EXT1: variants seen among roughly 807,000 people sequenced by gnomAD.
EXT1 encodes the protein exostosin glycosyltransferase 1, also known as exostosin-1.
EXT1 carries 20 observed loss-of-function variants against 82.5 expected under a neutral mutation model. The ratio of observed to expected loss-of-function variants is 0.24; its 90% confidence interval spans 0.17 to 0.35. The LOEUF (loss-of-function observed/expected upper bound fraction) is 0.35, where lower values mean the gene tolerates loss of function less well. Among genes scored for constraint, EXT1 ranks in the 10% least tolerant of loss-of-function variants. EXT1 has a pLI of 1.00. For synonymous variants in EXT1, 348 were observed against 350.8 expected, an observed-to-expected ratio of 0.99 and a Z score of 0.09; for missense variants, 757 against 936.5, an observed-to-expected ratio of 0.81 and a Z score of 2.50.
In EXT1 at chr8:117,802,155, A is replaced by G. The variant is rs148339991; in HGVS notation, c.2056-2258T>C. Among the ~76,000 whole-genome samples the G allele has an allele frequency of 7.3e-3, 1,106 of 152,316 alleles. 20 individuals carry two copies. The highest frequency in any genetic ancestry group is 0.025 in the African/African-American group (1,052 of 41,568). Reference sequence around the variant, plus strand: ...ACCTGAATACACCTAGTTAGACCTAAGGTTAAATTTAGATTTTTTTGTTAA... The same window carrying G: ...ACCTGAATACACCTAGTTAGACCTAGGGTTAAATTTAGATTTTTTTGTTAA... On this transcript the variant is annotated intron_variant, in intron 10 of 10. Transcript: ENST00000378204.
intron 3 of EXT1, among the ~76,000 whole-genome samples, chr8:117,834,439 T>C (rs980306422): frequency 2.6e-5 from 4 of 152,100 alleles, no homozygotes; most frequent in African/African-American, 9.7e-5. Context: ...ATCCCATCTC[T>C]ACTACAAATA....
Position 117,834,048 on chromosome 8 carries a change from A to G in EXT1, c.1164+1396T>C, listed in dbSNP as rs1812144720. 2.6e-5 allele frequency among the ~76,000 whole-genome samples: 4 copies of G among 152,180 alleles called. No homozygotes were observed. The South Asian group carries it at 8.3e-4, about 32-fold the overall frequency. ...TTCTCAATGAACACCTAAGAAATTA[A>G]GTTGTATTCAGGGCAGAATAACTTA... On this transcript the variant is annotated intron_variant, in intron 3 of 10. Coordinates refer to ENST00000378204, the MANE Select transcript of EXT1 (RefSeq NM_000127.3).
At chr8:117,878,016 T>A (rs1813000306) in intron 1 of EXT1, among the ~76,000 whole-genome samples, 1 of 152,228 alleles carries the variant, frequency 6.6e-6, no homozygotes, top group East Asian at 1.9e-4. Context: ...CTCACACGTA[T>A]AATCCCAGCA....
At chr8:118,031,474 G>C (rs1053162815) in intron 1 of EXT1, among the ~76,000 whole-genome samples, 4 of 151,756 alleles carry the variant, frequency 2.6e-5, no homozygotes, top group African/African-American at 9.7e-5. Flanking sequence ...GCAGTGAGCT[G>C]AGATCGAGTC....
At chr8:117,836,926 G>A (rs1423624299) in intron 2 of EXT1, among the ~76,000 whole-genome samples, 182 bp downstream of exon 2, 1 of 152,142 alleles carries the variant, frequency 6.6e-6, no homozygotes. Flanking sequence ...AAATTACTGA[G>A]TAAATCCTCC....
chr8:118,074,056 T>C (rs1345130927), intron 1 of EXT1, among the ~76,000 whole-genome samples: 1 of 145,426 alleles, frequency 6.9e-6, no homozygotes, highest in Non-Finnish European at 1.5e-5. Context: ...GACAAAGAAT[T>C]AAGGAAAAGG....
rs1434336025 is a variant in EXT1 at position 118,110,669 on chromosome 8, T to C, written c.378A>G (p.Lys126=). The part of the protein sequence containing the change: ...VYVYPQQKGE[K]IAESYQNILA... ...GAATGTTTTGGTAACTTTCGGCGAT[T>C]TTCTCCCCTTTTTGCTGTGGGTATA... The change falls in exon 1 of 11, where the codon AAA becomes AAG. Residue 126 remains lysine, a synonymous_variant. Transcript: ENST00000378204. 7 of 1,614,184 alleles carry C rather than the reference T, an allele frequency of 4.3e-6. No individual in the cohort carries two copies. Among genetic ancestry groups the C allele is most frequent in the Non-Finnish European group, 5.1e-6 (6 of 1,180,020 alleles).
At chr8:117,863,470 C>T (rs1267173473) in intron 1 of EXT1, among the ~76,000 whole-genome samples, 1 of 129,128 alleles carries the variant, frequency 7.7e-6, no homozygotes, top group Non-Finnish European at 1.6e-5. Context: ...TTTTGTATTG[C>T]TTTGCTGGCA....
chr8:118,016,064 T>C (rs1402689521), intron 1 of EXT1, among the ~76,000 whole-genome samples: 1 of 152,192 alleles, frequency 6.6e-6, no homozygotes, highest in Admixed American at 6.5e-5. Context: ...ACTTCTAGAC[T>C]TCGCATCTGT....
chr8:118,082,090 G>A (rs1385461927), intron 1 of EXT1, among the ~76,000 whole-genome samples: 10 of 152,132 alleles, frequency 6.6e-5, no homozygotes, highest in Admixed American at 2.6e-4. Context: ...TTAATTTCCC[G>A]TTATTTTAAA....
chr8:118,027,074 C>A (rs1043442867), intron 1 of EXT1, among the ~76,000 whole-genome samples: 1 of 152,100 alleles, frequency 6.6e-6, no homozygotes, highest in African/African-American at 2.4e-5. Flanking sequence ...GACCCCATCC[C>A]CAAAAAGAAA....
intron 1 of EXT1, among the ~76,000 whole-genome samples, chr8:117,961,176 T>G: frequency 6.6e-6 from 1 of 152,238 alleles, no homozygotes; most frequent in Non-Finnish European, 1.5e-5. Flanking sequence ...TTTCTCTCTC[T>G]TTCTTTTTTT....
chr8:117,889,683 G>A (rs1405274818), intron 1 of EXT1, among the ~76,000 whole-genome samples: 2 of 152,148 alleles, frequency 1.3e-5, no homozygotes, highest in African/African-American at 2.4e-5. Context: ...TGATATTGCT[G>A]GCAGATTAGA....
At chr8:118,043,100 G>T (rs1816561540) in intron 1 of EXT1, among the ~76,000 whole-genome samples, 1 of 152,172 alleles carries the variant, frequency 6.6e-6, no homozygotes, top group Non-Finnish European at 1.5e-5. Context: ...GTTCTCACCA[G>T]ATCAGCCTGC....
At chr8:118,096,627 GA>G (rs1254523841) in intron 1 of EXT1, among the ~76,000 whole-genome samples, 44,168 of 79,736 alleles carry the variant, frequency 0.55, 10,775 homozygotes, top group Non-Finnish European at 0.64. Flanking sequence ...AAGGAGGAAG[GA>G]AGGAAGGAAG....
At chr8:117,948,586 A>C (rs552055275) in intron 1 of EXT1, among the ~76,000 whole-genome samples, 1 of 152,308 alleles carries the variant, frequency 6.6e-6, no homozygotes, top group South Asian at 2.1e-4. Context: ...GTTCTCTGTA[A>C]AGTTGAAATT....
At chr8:117,803,001 T>G (rs938678832) in intron 10 of EXT1, among the ~76,000 whole-genome samples, 5 of 152,218 alleles carry the variant, frequency 3.3e-5, no homozygotes, top group Non-Finnish European at 7.3e-5. Context: ...AGCTAAGATT[T>G]CCTTTGCAAA....
chr8:117,952,963 T>C (rs1475392322), intron 1 of EXT1, among the ~76,000 whole-genome samples: 1 of 152,196 alleles, frequency 6.6e-6, no homozygotes, highest in Non-Finnish European at 1.5e-5. Context: ...AATGACTGAA[T>C]AGTAGAGTTA....
chr8:117,875,744 AGAG>A (rs1812958082), intron 1 of EXT1, among the ~76,000 whole-genome samples: 1 of 152,196 alleles, frequency 6.6e-6, no homozygotes, highest in Admixed American at 6.5e-5. Context: ...AAAAAAGGAC[AGAG>A]AAGAATATAA....
Sources: gnomAD v4.1 joint callset for allele counts (sites outside exome capture counted in the v4.1 genomes callset) on GRCh38, gnomAD v4.1.1 for gene constraint, MANE v1.5 for transcripts, NCBI Gene and HGNC (gene_info 2026-07-23, HGNC 2026-07-21) for gene names.